The following DAGLB variants were observed in gnomAD, a reference collection of about 807,000 sequenced individuals.
DAGLB encodes diacylglycerol lipase-beta.
DAGLB carries 66 observed loss-of-function variants against 72.1 expected under a neutral mutation model. The observed-to-expected ratio is 0.92, with a 90% CI of 0.75 to 1.12. The LOEUF is 1.12. Among genes scored for constraint, DAGLB ranks in the 50% most tolerant of loss-of-function variants. The pLI, the probability that DAGLB is intolerant of heterozygous loss-of-function variation, is 0.00. For synonymous variants in DAGLB, 414 were observed against 359.5 expected (o/e 1.15, Z -1.71); for missense variants, 1,065 against 884.9 (o/e 1.20, Z -2.58).
intron 11 of DAGLB, chr7:6,416,316 G>A (rs979846339): frequency 1.9e-4 from 43 of 221,536 alleles, no homozygotes; most frequent in African/African-American, 8.9e-4. Context: ...GGCCGAGGCG[G>A]GCAGATCACT....
At chr7:6,412,664 C>T (rs763941720) in intron 13 of DAGLB, 147 bp downstream of exon 13, 66 of 907,254 alleles carry the variant, frequency 7.3e-5, no homozygotes, top group Non-Finnish European at 9.1e-5. Flanking sequence ...GAGTCCTAGC[C>T]CAGAATCTGA....
In DAGLB at chr7:6,410,021, G is replaced by C. The variant is rs141322626; in HGVS notation, c.1835C>G (p.Ser612Cys). ...EGASGRFGCC[S>C]AAHYSAKWSH... ...CCACTTGGCGCTATAGTGAGCAGCA[G>C]AGCAGCAGCCAAACCTGAAGCAGAA... Residue 612 changes from serine (S) to cysteine (C), a missense_variant, in exon 15 of 15, where the codon TCT (serine) becomes TGT (cysteine). By Grantham distance (112) the Ser-to-Cys change is moderately radical (BLOSUM62 -1). Coordinates refer to ENST00000297056, the MANE Select transcript of DAGLB (RefSeq NM_139179.4). 39 of 1,613,510 alleles carry C rather than the reference G, an allele frequency of 2.4e-5. No homozygotes were observed. The highest frequency in any genetic ancestry group is 4.0e-5 in the African/African-American group (3 of 74,942).
rs138752821 is a variant in DAGLB, at chr7:6,446,069, C to T, written c.131G>A (p.Arg44Lys). The change falls in exon 2 of 15, where the codon AGA becomes AAA. Residue 44 changes from arginine (R) to lysine (K), a missense_variant. Transcript: ENST00000297056. The part of the protein sequence containing the change: ...IGILTLYLMH[R>K]GKLDCAGGAL... ...TCCACCAGCACAGTCCAGCTTTCCT[C>T]TGTGCATGAGATACAACGTCAGAAT... The T allele has an allele frequency of 5.6e-6, 9 of 1,609,902 alleles. No individual in the cohort carries two copies. The African/African-American group carries it at 1.2e-4, about 22-fold the overall frequency.
chr7:6,442,031 G>C, intron 2 of DAGLB, among the ~76,000 whole-genome samples: 1 of 151,960 alleles, frequency 6.6e-6, no homozygotes, highest in East Asian at 1.9e-4. Flanking sequence ...TCAGCCAGGA[G>C]AGCGACGATA....
Position 6,409,679 on chromosome 7 carries a change from T to A in DAGLB, c.*158A>T. On this transcript the variant is annotated 3_prime_UTR_variant, in exon 15 of 15. Coordinates refer to ENST00000297056, the MANE Select transcript of DAGLB (RefSeq NM_139179.4). ...CCATTATGGCCACAATGACTTCCCATAAACTTAAGTCATTGAGACCATGGA... is the reference window on the plus strand; with the variant it reads ...CCATTATGGCCACAATGACTTCCCAAAAACTTAAGTCATTGAGACCATGGA... 1.1e-6 allele frequency: 1 copy of A among 891,370 alleles called. No homozygotes were observed. Among genetic ancestry groups the A allele is most frequent in the Non-Finnish European group, 1.7e-6 (1 of 598,738 alleles). The allele number at this position is 891,370 out of a possible 1,614,324, so 55.2% of individuals were successfully genotyped here. A position where few individuals can be genotyped will look rare whatever the true frequency, so the allele number is the denominator to read the frequency against.
At position 6,413,047 on chromosome 7, in the gene DAGLB, A is replaced by G; in HGVS notation, c.1428-13T>C. The G allele has an allele frequency of 6.2e-7, 1 of 1,611,102 alleles. No individual in the cohort carries two copies. Among genetic ancestry groups the G allele is most frequent in the Non-Finnish European group, 8.5e-7 (1 of 1,177,798 alleles). On this transcript the variant is annotated splice_polypyrimidine_tract_variant and intron_variant, in intron 11 of 14. Coordinates refer to ENST00000297056, the MANE Select transcript of DAGLB (RefSeq NM_139179.4). ...CTGCAGAGCTTTGCTGAAATTCCAAACAGAGAGAGGATGTTAGCTTTACGA... is the reference window on the plus strand; with the variant it reads ...CTGCAGAGCTTTGCTGAAATTCCAAGCAGAGAGAGGATGTTAGCTTTACGA...
intron 2 of DAGLB, 177 bp downstream of exon 2, chr7:6,445,776 C>A: frequency 1.5e-6 from 1 of 686,562 alleles, no homozygotes; most frequent in Middle Eastern, 4.5e-4. Context: ...TACAGGATTT[C>A]TTTCAGGAGT....
chr7:6,425,214 T>A (rs1784266350), intron 7 of DAGLB, among the ~76,000 whole-genome samples: 1 of 152,126 alleles, frequency 6.6e-6, no homozygotes, highest in South Asian at 2.1e-4. Flanking sequence ...GCGGTGCCTA[T>A]GAGAATCACC....
intron 2 of DAGLB, chr7:6,445,715 G>T (rs372035409): frequency 9.0e-6 from 3 of 333,816 alleles, no homozygotes; most frequent in South Asian, 5.7e-5. Context: ...CACCCACCTC[G>T]GCTTCCCAAA....
At chr7:6,412,667 G>C in intron 13 of DAGLB, 144 bp downstream of exon 13, 2 of 929,048 alleles carry the variant, frequency 2.2e-6, no homozygotes, top group Non-Finnish European at 3.3e-6. Context: ...TCCTAGCCCA[G>C]AATCTGATCA....
chr7:6,409,242 G>C lies in DAGLB; in HGVS notation c.*595C>G, dbSNP rs1035096704. On this transcript the variant is annotated 3_prime_UTR_variant, in exon 15 of 15. Coordinates refer to ENST00000297056, the MANE Select transcript of DAGLB (RefSeq NM_139179.4). ...CCTGATGTGGACAAACAACTGGGCA[G>C]TGGGAATAGGCAGTTGGGGGGCTGT... is the stretch of plus-strand genomic sequence containing the variant. The C allele has an allele frequency of 6.4e-6, 1 of 155,696 alleles. No individual in the cohort carries two copies. The highest frequency in any genetic ancestry group is 1.4e-5 in the Non-Finnish European group (1 of 70,150). The allele number at this position is 155,696 out of a possible 1,614,324, so 9.6% of individuals were successfully genotyped here. A position where few individuals can be genotyped will look rare whatever the true frequency, so the allele number is the denominator to read the frequency against.
At position 6,430,554 on chromosome 7, in the gene DAGLB, T is replaced by C. The variant is rs201371938; in HGVS notation, c.855A>G (p.Ala285=). ...AGAGGGGCCACCCATAGGCCGCTGC[T>C]GCAAACTGCATGTAATGATGGCAGT... ...LENCHHYMQF[A]AAAYGWPLYI... The change falls in exon 6 of 15, where the codon GCA becomes GCG. Residue 285 remains alanine (A), a synonymous_variant. Coordinates refer to ENST00000297056, the MANE Select transcript of DAGLB (RefSeq NM_139179.4). 1 of 1,604,618 alleles carries C rather than the reference T, an allele frequency of 6.2e-7. No homozygotes were observed. Among genetic ancestry groups the C allele is most frequent in the East Asian group, 2.2e-5 (1 of 44,750 alleles).
Position 6,436,471 on chromosome 7 carries a change from G to C in DAGLB, c.310C>G (p.Leu104Val). Residue 104 changes from leucine (L) to valine (V), a missense_variant, in exon 3 of 15, where the codon CTG (leucine) becomes GTG (valine). Leu to Val is a conservative substitution (Grantham distance 32). Transcript: ENST00000297056. ...GCCCAGACCATCTCTGGAAAAAACA[G>C]CGCCAGGCGGATGTAAAGCAGCTTA... is the stretch of plus-strand genomic sequence containing the variant. ...MSKLLYIRLA[L>V]FFPEMVWASL... 6.2e-7 allele frequency: 1 copy of C among 1,614,148 alleles called. No individual in the cohort carries two copies.
intron 9 of DAGLB, among the ~76,000 whole-genome samples, chr7:6,421,327 A>T (rs1291034743): frequency 1.6e-5 from 2 of 125,200 alleles, no homozygotes; most frequent in African/African-American, 6.1e-5. Context: ...CGGGAGGCGC[A>T]GGCAGCGCGG....
intron 6 of DAGLB, among the ~76,000 whole-genome samples, chr7:6,430,274 T>TATATATATATATAA: frequency 8.4e-6 from 1 of 119,526 alleles, no homozygotes; most frequent in Non-Finnish European, 1.7e-5. Context: ...TATATATATA[T>TATATATATATATAA]ATATATATGC....
At chr7:6,446,693 G>A (rs1785015355) in intron 1 of DAGLB, among the ~76,000 whole-genome samples, 1 of 151,664 alleles carries the variant, frequency 6.6e-6, no homozygotes, top group East Asian at 2.0e-4. Flanking sequence ...ACTGCACCTG[G>A]CCTGGAATAT....
At chr7:6,429,717 A>T (rs2115271629) in intron 6 of DAGLB, among the ~76,000 whole-genome samples, 1 of 152,162 alleles carries the variant, frequency 6.6e-6, no homozygotes, top group African/African-American at 2.4e-5. Context: ...CCTGGCCAAC[A>T]TAGTGAAACC....
intron 9 of DAGLB, among the ~76,000 whole-genome samples, chr7:6,421,331 A>G (rs558428631): frequency 6.8e-6 from 1 of 146,110 alleles, no homozygotes; most frequent in African/African-American, 2.6e-5. Flanking sequence ...AGGCGCAGGC[A>G]GCGCGGGAGG....
rs547688890 is a variant in DAGLB at position 6,409,524 on chromosome 7, C to A, written c.*313G>T. ...GGTCTTCTGGGTGGGCCCTGGATTC[C>A]CGCACTTCTGGAGCAGTCCTCAGAC... On this transcript the variant is annotated 3_prime_UTR_variant, in exon 15 of 15. Coordinates refer to ENST00000297056, the MANE Select transcript of DAGLB (RefSeq NM_139179.4). 1 of 394,928 alleles carries A rather than the reference C, an allele frequency of 2.5e-6. No individual in the cohort carries two copies. Among genetic ancestry groups the A allele is most frequent in the African/African-American group, 2.0e-5 (1 of 49,408 alleles). The allele number at this position is 394,928 out of a possible 1,614,324, so 24.5% of individuals were successfully genotyped here.
Sources: allele counts gnomAD v4.1 joint callset (sites outside exome capture counted in the v4.1 genomes callset), GRCh38; gene constraint gnomAD v4.1.1; transcripts MANE v1.5; gene names NCBI Gene and HGNC (gene_info 2026-07-23, HGNC 2026-07-21).